The following NDUFA10 variants were observed in gnomAD, a reference collection of about 807,000 sequenced individuals.
NDUFA10 encodes NADH dehydrogenase [ubiquinone] 1 alpha subcomplex subunit 10, mitochondrial.
A neutral mutation model predicts 47.8 loss-of-function variants in NDUFA10; 40 were observed. The ratio of observed to expected loss-of-function variants is 0.84; its 90% CI spans 0.65 to 1.09. NDUFA10 has a LOEUF of 1.09. Ranked by LOEUF, NDUFA10 falls within the 50% of genes least tolerant of loss-of-function variation. The probability of loss-of-function intolerance (pLI) is 0.00; values close to 1 mark genes in which losing one functional copy is unlikely to be tolerated. For missense variants in NDUFA10, 413 were observed against 451.1 expected, an observed-to-expected ratio of 0.92 and a Z score of 0.76; for synonymous variants, 183 against 172.2, an observed-to-expected ratio of 1.06 and a Z score of -0.49.
rs150741618 is a variant in NDUFA10 at position 239,915,074 on chromosome 2, GAC to G, written c.295-19762_295-19761del. ...ATACACAGACACACACAAATATACA[GAC>G]ACACACAGAGACAGAGATACACAAA... On this transcript the variant is annotated intron_variant, in intron 4 of 5. Transcript: ENST00000419408. Among the ~76,000 whole-genome samples, 17 of 124,694 alleles carry G rather than the reference GAC, an allele frequency of 1.4e-4. 1 individual carries two copies. Among genetic ancestry groups the G allele is most frequent in the South Asian group, 7.4e-4 (3 of 4,030 alleles). The allele number at this position is 124,694 out of a possible 152,430, so 81.8% of individuals were successfully genotyped here.
intron 9 of NDUFA10, chr2:239,983,848 G>T: frequency 2.1e-6 from 3 of 1,403,594 alleles, no homozygotes; most frequent in Non-Finnish European, 2.8e-6. Flanking sequence ...AGGACCCAAT[G>T]TCATGTGATA....
Position 239,938,007 on chromosome 2 carries a change from AC to A in NDUFA10, c.295-42694del, listed in dbSNP as rs1406519853. On this transcript the variant is annotated intron_variant, in intron 4 of 5. Transcript: ENST00000419408. ...CCTTGGAGAGCAGCCGCAAATACTC[AC>A]TGCTGTGCTTCTGCGGCTCTGTTTG... Among the ~76,000 whole-genome samples, 12 of 151,964 alleles carry A rather than the reference AC, an allele frequency of 7.9e-5. No homozygotes were observed. The East Asian group carries it at 2.1e-3, about 27-fold the overall frequency.
At chr2:239,971,499 A>T (rs142893107) in intron 9 of NDUFA10, among the ~76,000 whole-genome samples, 3 of 152,218 alleles carry the variant, frequency 2.0e-5, no homozygotes, top group African/African-American at 7.2e-5. Context: ...TACTCATCAC[A>T]AAGTTATGTC....
intron 1 of NDUFA10, 63 bp downstream of exon 1, chr2:240,025,164 T>TTG: frequency 5.0e-6 from 3 of 594,912 alleles, no homozygotes; most frequent in Non-Finnish European, 8.2e-6. Flanking sequence ...GTGGAACTGC[T>TTG]CCCCACCCCG....
intron 4 of NDUFA10, among the ~76,000 whole-genome samples, chr2:239,952,359 G>A (rs1197573892): frequency 6.6e-6 from 1 of 151,954 alleles, no homozygotes; most frequent in Non-Finnish European, 1.5e-5. Flanking sequence ...GCTGTTGTCT[G>A]TGGAAGGTGA....
chr2:240,005,305 G>T lies in NDUFA10; in HGVS notation c.805-10C>A. On this transcript the variant is annotated splice_polypyrimidine_tract_variant and intron_variant, in intron 7 of 9. Transcript: ENST00000252711. ...CAATGTCCTCTACCACCTAAGACAG[G>T]AAAAATTCCAATTTAAACAGAGAAC... 1 of 1,609,720 alleles carries T rather than the reference G, an allele frequency of 6.2e-7. No homozygotes were observed. The highest frequency in any genetic ancestry group is 1.1e-5 in the South Asian group (1 of 90,956).
intron 9 of NDUFA10, among the ~76,000 whole-genome samples, chr2:239,967,979 TACACACACACAC>T (rs61166045): frequency 2.7e-5 from 4 of 147,476 alleles, no homozygotes; most frequent in South Asian, 2.2e-4. Context: ...GAAAAAAATA[TACACACACACAC>T]ACACACACAC....
intron 4 of NDUFA10, among the ~76,000 whole-genome samples, chr2:239,911,296 G>A (rs758749919): frequency 1.3e-4 from 20 of 152,210 alleles, no homozygotes; most frequent in East Asian, 3.9e-4. Context: ...GGAAATTTGC[G>A]TCCCCCAGGG....
chr2:239,897,910 C>T (rs10204275), intron 4 of NDUFA10, among the ~76,000 whole-genome samples: 126,934 of 152,238 alleles, frequency 0.83, 52,920 homozygotes, highest in East Asian at 0.97. Flanking sequence ...CAGCCCCTTC[C>T]TGCATCCCTT....
intron 4 of NDUFA10, among the ~76,000 whole-genome samples, chr2:239,925,380 T>C (rs960624734): frequency 3.9e-5 from 6 of 152,164 alleles, no homozygotes; most frequent in Non-Finnish European, 7.4e-5. Flanking sequence ...TACAAGTACT[T>C]CCAATTGATG....
At chr2:239,932,927 A>G (rs555819808) in intron 4 of NDUFA10, among the ~76,000 whole-genome samples, 33 of 152,280 alleles carry the variant, frequency 2.2e-4, no homozygotes, top group African/African-American at 6.5e-4. Context: ...TTATTTACAA[A>G]CCATTTTTAA....
intron 4 of NDUFA10, 116 bp downstream of exon 4, chr2:240,018,437 C>T: frequency 1.9e-6 from 3 of 1,590,074 alleles, no homozygotes; most frequent in Non-Finnish European, 2.6e-6. Flanking sequence ...TAAGTAATGG[C>T]ATTTATTCAT....
Position 239,990,129 on chromosome 2 carries a change from G to A in NDUFA10, c.944C>T (p.Pro315Leu), listed in dbSNP as rs1376563433. The A allele has an allele frequency of 9.3e-6, 15 of 1,613,932 alleles. No homozygotes were observed. Among genetic ancestry groups the A allele is most frequent in the South Asian group, 1.1e-5 (1 of 91,080 alleles). ...LNYTSIPIFL[P>L]EVTIGAHQTD... Reference sequence around the variant, plus strand: ...CTGATGAGCTCCAATGGTGACTTCCGGGAGAAAGATAGGAATGCTTGTGTA... The same window carrying A: ...CTGATGAGCTCCAATGGTGACTTCCAGGAGAAAGATAGGAATGCTTGTGTA... Residue 315 changes from proline (P) to leucine (L), a missense_variant, in exon 9 of 10, where the codon CCG (proline) becomes CTG (leucine). Coordinates refer to ENST00000252711, the MANE Select transcript of NDUFA10 (RefSeq NM_004544.4).
At chr2:239,922,599 C>T (rs2106369060) in intron 4 of NDUFA10, among the ~76,000 whole-genome samples, 1 of 152,348 alleles carries the variant, frequency 6.6e-6, no homozygotes, top group East Asian at 1.9e-4. Flanking sequence ...CTGGGCATTG[C>T]CATTACCACT....
intron 8 of NDUFA10, among the ~76,000 whole-genome samples, chr2:240,001,662 C>A (rs1241971512): frequency 6.6e-6 from 1 of 152,202 alleles, no homozygotes; most frequent in African/African-American, 2.4e-5. Flanking sequence ...TTTATTTTCT[C>A]CTCTTGGTCT....
chr2:239,921,478 A>T (rs944183106), intron 4 of NDUFA10, among the ~76,000 whole-genome samples: 1 of 151,824 alleles, frequency 6.6e-6, no homozygotes, highest in African/African-American at 2.4e-5. Flanking sequence ...CCTTTTTTCA[A>T]TCTTCCCCGT....
chr2:240,003,965 G>A (rs969887072), intron 8 of NDUFA10, among the ~76,000 whole-genome samples: 5 of 152,216 alleles, frequency 3.3e-5, no homozygotes, highest in South Asian at 2.1e-4. Flanking sequence ...CAAGACCTAC[G>A]GTGGTATCCA....
intron 4 of NDUFA10, among the ~76,000 whole-genome samples, chr2:239,951,272 C>T (rs544727330): frequency 3.3e-5 from 5 of 152,336 alleles, no homozygotes; most frequent in Admixed American, 3.3e-4. Flanking sequence ...GGGAGGGCCA[C>T]ACGCTCCTGT....
chr2:239,984,360 T>C (rs371059866), intron 9 of NDUFA10, among the ~76,000 whole-genome samples: 1 of 152,244 alleles, frequency 6.6e-6, no homozygotes, highest in South Asian at 2.1e-4. Flanking sequence ...AGCTCACTAC[T>C]ACCGTCACGG....
Sources: allele counts gnomAD v4.1 joint callset (sites outside exome capture counted in the v4.1 genomes callset), GRCh38; gene constraint gnomAD v4.1.1; transcripts MANE v1.5; gene names NCBI Gene and HGNC (gene_info 2026-07-23, HGNC 2026-07-21).